The following KANK1 variants were observed in gnomAD, a reference collection of about 807,000 sequenced individuals.
KANK1 encodes KN motif and ankyrin repeat domains 1.
KANK1 carries 109 observed loss-of-function variants against 106.2 expected under a neutral mutation model. The ratio of observed to expected loss-of-function variants is 1.03; its 90% CI spans 0.88 to 1.20. The LOEUF is 1.20. KANK1 is among the 50% of genes most tolerant of loss of function. KANK1 has a pLI of 0.00. For missense variants in KANK1, 2,399 were observed against 1,710.7 expected (o/e 1.40, Z -7.10); for synonymous variants, 873 against 652.2 (o/e 1.34, Z -5.16).
intron 1 of KANK1, among the ~76,000 whole-genome samples, chr9:562,551 T>C (rs1296860420): frequency 2.0e-5 from 3 of 152,188 alleles, no homozygotes; most frequent in Non-Finnish European, 4.4e-5. Context: ...CAAAGGGGAT[T>C]CCAGCTTCAC....
intron 10 of KANK1, 37 bp downstream of exon 10, chr9:742,442 T>C: frequency 6.5e-7 from 1 of 1,535,606 alleles, no homozygotes; most frequent in Non-Finnish European, 8.9e-7. Context: ...GCCAGGGGTC[T>C]GGGGGACTCT....
chr9:668,751 G>A (rs945349506), intron 1 of KANK1, among the ~76,000 whole-genome samples: 1 of 152,072 alleles, frequency 6.6e-6, no homozygotes, highest in Non-Finnish European at 1.5e-5. Flanking sequence ...AGTCTGTTTT[G>A]GCGCCAGGGA....
intron 1 of KANK1, among the ~76,000 whole-genome samples, chr9:614,075 T>C (rs1004128943): frequency 3.3e-5 from 5 of 152,048 alleles, no homozygotes; most frequent in Non-Finnish European, 5.9e-5. Flanking sequence ...GCCAGCAGAG[T>C]GCTCAGTTCT....
chr9:529,324 C>G lies in KANK1; in HGVS notation c.-84+24570C>G, dbSNP rs550985079. Among the ~76,000 whole-genome samples the G allele has an allele frequency of 8.2e-4, 123 of 149,824 alleles. 1 individual carries two copies. Among genetic ancestry groups the G allele is most frequent in the African/African-American group, 3.0e-3 (120 of 40,444 alleles). The stretch of plus-strand genomic sequence containing the variant: ...TTTTTTTTTGAGACGGAGTCTTGCT[C>G]TGTCGCCAGGCTGGAGTGCAATGGC... On this transcript the variant is annotated intron_variant, in intron 1 of 11. Coordinates refer to ENST00000382297, the MANE Select transcript of KANK1 (RefSeq NM_015158.5).
intron 1 of KANK1, among the ~76,000 whole-genome samples, chr9:570,390 G>T (rs960132915): frequency 2.0e-5 from 3 of 152,166 alleles, no homozygotes; most frequent in Admixed American, 2.0e-4. Flanking sequence ...ACTGATGGCT[G>T]CACTGTTGTC....
chr9:590,430 G>C (rs1418673546), intron 1 of KANK1, among the ~76,000 whole-genome samples: 1 of 152,036 alleles, frequency 6.6e-6, no homozygotes, highest in Non-Finnish European at 1.5e-5. Flanking sequence ...TCCTTTACCA[G>C]ACAGTTTAGT....
chr9:557,676 G>A (rs565322636), intron 1 of KANK1, among the ~76,000 whole-genome samples: 1 of 152,324 alleles, frequency 6.6e-6, no homozygotes. Flanking sequence ...AGGAAGAACA[G>A]GAGAAGGCAG....
chr9:564,208 C>A (rs964461456), intron 1 of KANK1, among the ~76,000 whole-genome samples: 6 of 151,884 alleles, frequency 4.0e-5, no homozygotes, highest in Admixed American at 3.9e-4. Flanking sequence ...TACAGACGCC[C>A]GCCACCACGC....
chr9:707,160 C>G (rs1358580802), intron 2 of KANK1: 6 of 985,472 alleles, frequency 6.1e-6, no homozygotes, highest in Non-Finnish European at 7.2e-6. Flanking sequence ...GGGTGAGGAT[C>G]GAGGGCGCCC....
At chr9:713,508 A>G (rs1300595203) in intron 3 of KANK1, 44 bp downstream of exon 3, 1 of 1,508,776 alleles carries the variant, frequency 6.6e-7, no homozygotes, top group Non-Finnish European at 8.8e-7. Flanking sequence ...AGGATGGGGG[A>G]AAATGTCTTT....
intron 1 of KANK1, among the ~76,000 whole-genome samples, chr9:607,935 ATC>A (rs201046631): frequency 0.04 from 6,094 of 150,846 alleles, 148 homozygotes; most frequent in Non-Finnish European, 0.055. Flanking sequence ...CCTTGTGAAC[ATC>A]TCTCTGTGTG....
rs1281475836 is a variant in KANK1 at position 472,054 on chromosome 9, C to T, written c.-441-1140C>T. On this transcript the variant is annotated intron_variant, in intron 2 of 15. Transcript: ENST00000382303. Reference sequence around the variant, plus strand: ...GAGCCCTGCTCTCCCAGAGTCACATCCCCATACGCCAAAACACTCTTACAT... The same window carrying T: ...GAGCCCTGCTCTCCCAGAGTCACATTCCCATACGCCAAAACACTCTTACAT... 7.2e-5 allele frequency among the ~76,000 whole-genome samples: 11 copies of T among 152,318 alleles called. No individual in the cohort carries two copies. The South Asian group carries it at 1.0e-3, about 14-fold the overall frequency.
intron 1 of KANK1, among the ~76,000 whole-genome samples, chr9:544,073 T>A (rs945926996): frequency 4.6e-5 from 7 of 152,248 alleles, no homozygotes; most frequent in African/African-American, 1.7e-4. Flanking sequence ...CAGGCTGGAG[T>A]GCAGTGGCAT....
chr9:691,806 A>G (rs1162583922), intron 2 of KANK1, among the ~76,000 whole-genome samples: 1 of 146,504 alleles, frequency 6.8e-6, no homozygotes, highest in Non-Finnish European at 1.5e-5. Flanking sequence ...TGGTAGAGAC[A>G]GAGTGTCACT....
chr9:491,441 T>A (rs1337837341), intron 3 of KANK1, among the ~76,000 whole-genome samples: 2 of 152,044 alleles, frequency 1.3e-5, no homozygotes, highest in African/African-American at 4.8e-5. Flanking sequence ...CTAATTTTTG[T>A]ATTTTTTAGT....
At chr9:656,073 C>G (rs1842074419) in intron 1 of KANK1, among the ~76,000 whole-genome samples, 1 of 152,196 alleles carries the variant, frequency 6.6e-6, no homozygotes, top group African/African-American at 2.4e-5. Flanking sequence ...ACTTTTGGCA[C>G]TTTCTTGCTG....
chr9:628,665 C>A (rs974247313), intron 1 of KANK1, among the ~76,000 whole-genome samples: 4 of 152,104 alleles, frequency 2.6e-5, no homozygotes, highest in African/African-American at 9.7e-5. Context: ...AGATTCCTCC[C>A]CTCTCTGCCC....
intron 2 of KANK1, among the ~76,000 whole-genome samples, chr9:689,921 G>T (rs982333732): frequency 2.0e-5 from 3 of 151,946 alleles, no homozygotes; most frequent in African/African-American, 7.3e-5. Context: ...AGCCAGAAAG[G>T]GTGGGAGGAA....
intron 1 of KANK1, among the ~76,000 whole-genome samples, chr9:580,769 C>T (rs573139822): frequency 5.1e-4 from 77 of 152,372 alleles, no homozygotes; most frequent in African/African-American, 1.7e-3. Flanking sequence ...GCTGTGCGCC[C>T]GCACTCCTGA....
Sources: allele counts gnomAD v4.1 joint callset (sites outside exome capture counted in the v4.1 genomes callset), GRCh38; gene constraint gnomAD v4.1.1; transcripts MANE v1.5; gene names NCBI Gene and HGNC (gene_info 2026-07-23, HGNC 2026-07-21).